Variants in DPP6 observed in about 807,000 individuals in gnomAD.
The protein encoded by DPP6 is A-type potassium channel modulatory protein DPP6.
DPP6 carries 69 observed loss-of-function variants against 122.6 expected under a neutral mutation model. The observed-to-expected ratio is 0.56, with a 90% CI of 0.46 to 0.69. The LOEUF (loss-of-function observed/expected upper bound fraction) is 0.69. DPP6 is among the 30% of genes least tolerant of loss of function. The pLI is 0.00. For synonymous variants in DPP6, 418 were observed against 433.1 expected (o/e 0.97, Z 0.43); for missense variants, 928 against 1,116.9 (o/e 0.83, Z 2.41).
chr7:154,103,052 C>T (rs1208344236), intron 1 of DPP6, among the ~76,000 whole-genome samples: 35 of 152,090 alleles, frequency 2.3e-4, no homozygotes, highest in African/African-American at 8.2e-4. Flanking sequence ...CCTGTGTTCT[C>T]CAAACAGACA....
At chr7:153,854,596 T>A in the DPP6 span, among the ~76,000 whole-genome samples, 5 of 123,916 alleles carry the variant, frequency 4.0e-5, no homozygotes, top group Non-Finnish European at 8.3e-5. Context: ...CAACAGGTGC[T>A]GGAGAGGATG....
intron 5 of DPP6, among the ~76,000 whole-genome samples, chr7:154,586,836 C>T (rs780814142): frequency 4.6e-5 from 7 of 152,194 alleles, no homozygotes; most frequent in African/African-American, 7.2e-5. Flanking sequence ...TCCCCAGATA[C>T]CCCAGGCATC....
At chr7:153,829,949 C>G in the DPP6 span, among the ~76,000 whole-genome samples, 2 of 152,222 alleles carry the variant, frequency 1.3e-5, no homozygotes, top group African/African-American at 2.4e-5. Context: ...ATTCTATGTG[C>G]CTTGCCATCA....
chr7:154,420,420 CCG>C (rs761052741), intron 1 of DPP6, among the ~76,000 whole-genome samples: 4 of 152,120 alleles, frequency 2.6e-5, no homozygotes, highest in Admixed American at 6.6e-5. Context: ...GGGACAAATA[CCG>C]TGTGATTCCA....
At chr7:154,112,334 A>G (rs899914050) in intron 1 of DPP6, among the ~76,000 whole-genome samples, 13 of 152,052 alleles carry the variant, frequency 8.5e-5, no homozygotes, top group African/African-American at 3.1e-4. Flanking sequence ...GTTTAGTAGC[A>G]AGGAATGCAT....
chr7:154,703,779 T>C (rs1586921508), intron 7 of DPP6, among the ~76,000 whole-genome samples: 1 of 151,308 alleles, frequency 6.6e-6, no homozygotes, highest in Middle Eastern at 3.5e-3. Context: ...TACTAAAAAA[T>C]ACAAAAAATT....
intron 1 of DPP6, among the ~76,000 whole-genome samples, chr7:154,364,926 A>G (rs1812028087): frequency 6.6e-6 from 1 of 152,184 alleles, no homozygotes. Context: ...TTATTGAATG[A>G]AGTCATAGGA....
the DPP6 span, among the ~76,000 whole-genome samples, chr7:153,839,052 T>G: frequency 2.0e-5 from 3 of 152,242 alleles, no homozygotes; most frequent in Non-Finnish European, 2.9e-5. Flanking sequence ...CCTGAGAGTT[T>G]GCACTTCTAA....
intron 6 of DPP6, among the ~76,000 whole-genome samples, chr7:154,662,901 A>G (rs1217590420): frequency 1.2e-4 from 5 of 40,858 alleles, no homozygotes; most frequent in Middle Eastern, 0.017. Flanking sequence ...TCACCATGGC[A>G]TATTCGCCGT....
intron 1 of DPP6, among the ~76,000 whole-genome samples, chr7:154,245,067 C>T (rs1801884384): frequency 6.6e-6 from 1 of 151,512 alleles, no homozygotes; most frequent in African/African-American, 2.4e-5. Flanking sequence ...TCTCCTGCCT[C>T]AGCCTCCCGA....
chr7:154,699,036 G>A (rs59537265), intron 7 of DPP6, among the ~76,000 whole-genome samples: 6,490 of 152,242 alleles, frequency 0.043, 455 homozygotes, highest in African/African-American at 0.15. Context: ...AGAAGAGCAC[G>A]GTTCCAAGAT....
At chr7:154,518,561 T>G (rs1826720692) in intron 3 of DPP6, among the ~76,000 whole-genome samples, 2 of 152,270 alleles carry the variant, frequency 1.3e-5, no homozygotes, top group South Asian at 4.1e-4. Context: ...AGATGATGAA[T>G]TGCACAGTCT....
At chr7:154,293,985 A>T (rs1183546909) in intron 1 of DPP6, among the ~76,000 whole-genome samples, 1 of 152,310 alleles carries the variant, frequency 6.6e-6, no homozygotes, top group Middle Eastern at 3.4e-3. Flanking sequence ...AGAGCCAGTT[A>T]TGGAGTCCCT....
At position 154,422,688 on chromosome 7, in the gene DPP6, G is replaced by A. The variant is rs1286239223; in HGVS notation, c.244-23526G>A. Among the ~76,000 whole-genome samples, 4 of 148,072 alleles carry A rather than the reference G, an allele frequency of 2.7e-5. No individual in the cohort carries two copies. In the South Asian group the frequency reaches 6.7e-4, roughly 25 times the overall value. On this transcript the variant is annotated intron_variant, in intron 1 of 25. Transcript: ENST00000377770. ...TGGGTGGGTGGATGGGTGGATGGAT[G>A]GATGGTGAGTGGGTGGGTAGATGGA...
intron 1 of DPP6, among the ~76,000 whole-genome samples, chr7:154,013,610 AAC>A (rs1798261428): frequency 6.6e-6 from 1 of 151,772 alleles, no homozygotes; most frequent in Non-Finnish European, 1.5e-5. Flanking sequence ...AAAATACTGT[AAC>A]ATTCTTACTT....
At chr7:154,637,343 T>A (rs1325543075) in intron 5 of DPP6, among the ~76,000 whole-genome samples, 1 of 152,186 alleles carries the variant, frequency 6.6e-6, no homozygotes, top group East Asian at 1.9e-4. Context: ...GGGTCAAAAG[T>A]GTGCCCAATT....
At chr7:153,895,394 G>T (rs76240481) in intron 1 of DPP6, among the ~76,000 whole-genome samples, 2 of 152,220 alleles carry the variant, frequency 1.3e-5, no homozygotes, top group African/African-American at 4.8e-5. Context: ...GATTATTCTT[G>T]AAGTCCCTTT....
chr7:154,051,466 C>G (rs1323798648), upstream of DPP6, among the ~76,000 whole-genome samples: 1 of 150,682 alleles, frequency 6.6e-6, no homozygotes, highest in Admixed American at 6.6e-5. Flanking sequence ...GGAAGAGAAG[C>G]CAGGCCGGGC....
chr7:154,256,039 A>G (rs1802638833), intron 1 of DPP6, among the ~76,000 whole-genome samples: 1 of 152,206 alleles, frequency 6.6e-6, no homozygotes, highest in Admixed American at 6.5e-5. Flanking sequence ...AACCTATAGC[A>G]TTATTTTTGT....
Sources: gnomAD v4.1 joint callset for allele counts (sites outside exome capture counted in the v4.1 genomes callset) on GRCh38, gnomAD v4.1.1 for gene constraint, MANE v1.5 for transcripts, NCBI Gene and HGNC (gene_info 2026-07-23, HGNC 2026-07-21) for gene names.